KCNIP4: variants seen among roughly 807,000 people sequenced by gnomAD.
KCNIP4 encodes Kv channel-interacting protein 4.
KCNIP4 carries 12 observed loss-of-function variants against 34.0 expected under a neutral mutation model. The ratio of observed to expected loss-of-function variants is 0.35; its 90% confidence interval spans 0.23 to 0.57. The LOEUF (loss-of-function observed/expected upper bound fraction) is 0.57, where lower values mean the gene tolerates loss of function less well. Among genes scored for constraint, KCNIP4 ranks in the 20% least tolerant of loss-of-function variants. The pLI is 0.83. For missense variants in KCNIP4, 238 were observed against 311.7 expected (o/e 0.76, Z 1.78); for synonymous variants, 124 against 102.2 (o/e 1.21, Z -1.29).
intron 1 of KCNIP4, among the ~76,000 whole-genome samples, chr4:21,766,466 T>C (rs989150487): frequency 1.1e-4 from 17 of 152,232 alleles, no homozygotes; most frequent in African/African-American, 3.6e-4. Flanking sequence ...CTGTTCCCCT[T>C]GCCTCCCCAC....
At chr4:20,803,857 T>A (rs935130232) in intron 3 of KCNIP4, among the ~76,000 whole-genome samples, 2 of 152,102 alleles carry the variant, frequency 1.3e-5, no homozygotes, top group African/African-American at 4.8e-5. Flanking sequence ...CCATTTGATT[T>A]ATGAGAAAAA....
chr4:21,573,259 T>C (rs1449424455), intron 1 of KCNIP4, among the ~76,000 whole-genome samples: 1 of 152,164 alleles, frequency 6.6e-6, no homozygotes, highest in African/African-American at 2.4e-5. Flanking sequence ...ATGTATGAAC[T>C]CTAATCCACT....
At chr4:21,916,326 T>C (rs1037483659) in intron 1 of KCNIP4, among the ~76,000 whole-genome samples, 2 of 152,342 alleles carry the variant, frequency 1.3e-5, no homozygotes, top group South Asian at 2.1e-4. Context: ...ATGCCTTTTT[T>C]TCCAGTTACT....
intron 1 of KCNIP4, among the ~76,000 whole-genome samples, chr4:21,767,195 G>A (rs903322085): frequency 1.3e-5 from 2 of 152,096 alleles, no homozygotes; most frequent in East Asian, 1.9e-4. Context: ...GGAGCCCAAC[G>A]AGCAAGGACT....
chr4:21,441,755 T>C (rs1171930860), intron 1 of KCNIP4, among the ~76,000 whole-genome samples: 1 of 152,202 alleles, frequency 6.6e-6, no homozygotes, highest in East Asian at 1.9e-4. Context: ...AAGCAGGATT[T>C]TGTCATTTTA....
chr4:21,361,836 C>A (rs574070850), intron 1 of KCNIP4, among the ~76,000 whole-genome samples: 1 of 152,086 alleles, frequency 6.6e-6, no homozygotes, highest in South Asian at 2.1e-4. Context: ...CTTATCATAA[C>A]CCTAAAGAGT....
chr4:21,483,085 G>C (rs1230232877), intron 1 of KCNIP4, among the ~76,000 whole-genome samples: 1 of 131,052 alleles, frequency 7.6e-6, no homozygotes, highest in African/African-American at 2.8e-5. Flanking sequence ...TTGTGGGGTG[G>C]GGGAGGGGGG....
intron 1 of KCNIP4, among the ~76,000 whole-genome samples, chr4:20,923,713 C>T (rs79626790): frequency 1.6e-3 from 250 of 152,270 alleles, no homozygotes; most frequent in African/African-American, 5.7e-3. Context: ...TTCAGAAGTA[C>T]GTGGTCCGAT....
At chr4:20,882,344 T>C (rs553624543) in intron 2 of KCNIP4, among the ~76,000 whole-genome samples, 1 of 152,150 alleles carries the variant, frequency 6.6e-6, no homozygotes, top group East Asian at 1.9e-4. Context: ...TTGAGTCCAG[T>C]CCCCATCCCT....
intron 1 of KCNIP4, among the ~76,000 whole-genome samples, chr4:21,081,360 C>A (rs1379955683): frequency 6.6e-6 from 1 of 151,604 alleles, no homozygotes; most frequent in African/African-American, 2.4e-5. Flanking sequence ...AGTGATTATG[C>A]CCATATTTTT....
At chr4:21,821,332 G>A (rs1328671678) in intron 1 of KCNIP4, among the ~76,000 whole-genome samples, 3 of 151,988 alleles carry the variant, frequency 2.0e-5, no homozygotes, top group African/African-American at 7.3e-5. Flanking sequence ...GTGCCATTGA[G>A]GCCCAAAAGA....
chr4:21,203,391 A>G (rs1453930912), intron 1 of KCNIP4, among the ~76,000 whole-genome samples: 1 of 139,454 alleles, frequency 7.2e-6, no homozygotes, highest in African/African-American at 3.0e-5. Context: ...GGAATCAAAG[A>G]GCCCAAATCA....
chr4:21,018,363 T>C lies in KCNIP4; in HGVS notation c.62-135654A>G, dbSNP rs562393329. Among the ~76,000 whole-genome samples the C allele has an allele frequency of 3.3e-5, 5 of 152,302 alleles. No homozygotes were observed. The East Asian group carries it at 9.7e-4, about 29-fold the overall frequency. ...AAAGCTATTTCATAAGGTTATAAAA[T>C]TGGAAGGTGAGATGTCCATGAGATT... On this transcript the variant is annotated intron_variant, in intron 1 of 8. Transcript: ENST00000382152.
chr4:21,556,930 A>AAAAAAAAAAAAAAAAAAC (rs1553903108), intron 1 of KCNIP4, among the ~76,000 whole-genome samples: 38 of 108,204 alleles, frequency 3.5e-4, no homozygotes, highest in East Asian at 6.5e-4. Context: ...CAGAAAAAAA[A>AAAAAAAAAAAAAAAAAAC]AAAAAAAAAA....
intron 1 of KCNIP4, among the ~76,000 whole-genome samples, chr4:21,499,588 T>C (rs573721313): frequency 5.3e-5 from 8 of 152,226 alleles, no homozygotes; most frequent in African/African-American, 1.9e-4. Context: ...AATCTCATAA[T>C]TATATCTATT....
At chr4:21,565,694 C>T (rs903471957) in intron 1 of KCNIP4, among the ~76,000 whole-genome samples, 1 of 152,062 alleles carries the variant, frequency 6.6e-6, no homozygotes, top group Non-Finnish European at 1.5e-5. Flanking sequence ...TTACAGAATA[C>T]TCTGTGTCTG....
chr4:21,578,533 G>A (rs777502206), intron 1 of KCNIP4, among the ~76,000 whole-genome samples: 2 of 151,948 alleles, frequency 1.3e-5, no homozygotes, highest in Non-Finnish European at 2.9e-5. Context: ...GAAAATAAGA[G>A]AGACTAAGTA....
At chr4:21,833,771 A>T (rs1249346517) in intron 1 of KCNIP4, among the ~76,000 whole-genome samples, 1 of 152,172 alleles carries the variant, frequency 6.6e-6, no homozygotes, top group African/African-American at 2.4e-5. Flanking sequence ...TTTTTGTATA[A>T]GGTGTAAGGA....
At chr4:21,503,197 C>T (rs10516390) in intron 1 of KCNIP4, among the ~76,000 whole-genome samples, 4,563 of 152,152 alleles carry the variant, frequency 0.03, 188 homozygotes, top group East Asian at 0.12. Context: ...AATTTTACAC[C>T]TATCATCTTG....
Sources: gnomAD v4.1 joint callset for allele counts (sites outside exome capture counted in the v4.1 genomes callset) on GRCh38, gnomAD v4.1.1 for gene constraint, MANE v1.5 for transcripts, NCBI Gene and HGNC (gene_info 2026-07-23, HGNC 2026-07-21) for gene names.